DUSP26: variants seen among roughly 807,000 people sequenced by gnomAD.
The protein encoded by DUSP26 is dual specificity phosphatase 26, also known as dual specificity protein phosphatase 26.
A neutral mutation model predicts 20.0 loss-of-function variants in DUSP26; 12 were observed. The ratio of observed to expected loss-of-function variants is 0.60; its 90% confidence interval spans 0.38 to 0.97. The LOEUF (loss-of-function observed/expected upper bound fraction) is 0.97. Ranked by LOEUF, DUSP26 falls within the 50% of genes least tolerant of loss-of-function variation. DUSP26 has a pLI of 0.00. For synonymous variants in DUSP26, 120 were observed against 118.8 expected (o/e 1.01, Z -0.06); for missense variants, 230 against 294.0 (o/e 0.78, Z 1.59).
chr8:33,592,214 TGAGAG>T lies in DUSP26; in HGVS notation c.437-7_437-3del. On this transcript the variant is annotated splice_region_variant and splice_polypyrimidine_tract_variant and intron_variant, in intron 3 of 3. Transcript: ENST00000256261. ...CAGCACAATGCACCAGGATCTTCCC[TGAGAG>T]GAGAGACACAGAGAGAGCTTTGAGA... The T allele has an allele frequency of 6.3e-7, 1 of 1,599,660 alleles. No individual in the cohort carries two copies. Among genetic ancestry groups the T allele is most frequent in the Non-Finnish European group, 8.5e-7 (1 of 1,173,438 alleles).
chr8:33,595,588 C>T (rs1397450330), intron 2 of DUSP26, among the ~76,000 whole-genome samples: 3 of 151,960 alleles, frequency 2.0e-5, no homozygotes, highest in Non-Finnish European at 4.4e-5. Context: ...ACTATCTTGG[C>T]CAGGCTGGTC....
chr8:33,593,894 ACT>A, intron 2 of DUSP26, 147 bp from the exon 3 acceptor site: 1 of 901,520 alleles, frequency 1.1e-6, no homozygotes, highest in East Asian at 2.7e-5. Context: ...CAGAGTGCTC[ACT>A]GCCACCTCCA....
chr8:33,593,390 G>T, intron 3 of DUSP26, 143 bp downstream of exon 3: 2 of 939,538 alleles, frequency 2.1e-6, no homozygotes, highest in Non-Finnish European at 3.1e-6. Flanking sequence ...TTAAAAAAAT[G>T]GTTGAGATAA....
chr8:33,597,739 A>T, intron 1 of DUSP26, 148 bp from the exon 2 acceptor site: 1 of 484,940 alleles, frequency 2.1e-6, no homozygotes, highest in Non-Finnish European at 3.7e-6. Flanking sequence ...TTTTTCTTCA[A>T]GCTGCAGCAG....
At position 33,592,286 on chromosome 8, in the gene DUSP26, TG is replaced by T. The variant is rs1811039964; in HGVS notation, c.437-75del. Reference sequence around the variant, plus strand: ...GGAGGAGGCTGGGGAAAGGGTGACATGGGGCCGGGCATGGTGGCTCACGGCG... The same window carrying T: ...GGAGGAGGCTGGGGAAAGGGTGACATGGGCCGGGCATGGTGGCTCACGGCG... On this transcript the variant is annotated intron_variant, in intron 3 of 3. Transcript: ENST00000256261. 4.2e-6 allele frequency: 6 copies of T among 1,415,864 alleles called. No individual in the cohort carries two copies. In the South Asian group the frequency reaches 6.9e-5, roughly 16 times the overall value. The allele number at this position is 1,415,864 out of a possible 1,614,324, so 87.7% of individuals were successfully genotyped here.
At chr8:33,599,189 C>A (rs906986181) in intron 1 of DUSP26, among the ~76,000 whole-genome samples, 13 of 150,064 alleles carry the variant, frequency 8.7e-5, no homozygotes, top group African/African-American at 3.2e-4. Context: ...CTTCTTCTAC[C>A]TTTGCACCCA....
At chr8:33,596,940 C>A (rs561735840) in intron 2 of DUSP26, among the ~76,000 whole-genome samples, 1 of 152,178 alleles carries the variant, frequency 6.6e-6, no homozygotes, top group African/African-American at 2.4e-5. Flanking sequence ...TCTGTCCAGA[C>A]TTGGGTATTT....
Position 33,591,978 on chromosome 8 carries a change from C to A in DUSP26, c.*35G>T. 1.9e-6 allele frequency: 3 copies of A among 1,608,540 alleles called. No individual in the cohort carries two copies. Among genetic ancestry groups the A allele is most frequent in the Admixed American group, 1.7e-5 (1 of 59,930 alleles). Reference sequence around the variant, plus strand: ...TCTCCAGCTGGGAGCCAGGGACCTACCCACGGGCCTGGCCTGACCTCTCTC... The same window carrying A: ...TCTCCAGCTGGGAGCCAGGGACCTAACCACGGGCCTGGCCTGACCTCTCTC... On this transcript the variant is annotated 3_prime_UTR_variant, in exon 4 of 4. Transcript: ENST00000256261.
At chr8:33,599,538 A>T (rs2128847898) in intron 1 of DUSP26, 127 bp downstream of exon 1, 1 of 152,008 alleles carries the variant, frequency 6.6e-6, no homozygotes, top group South Asian at 2.1e-4. Context: ...CGGGAGAGAG[A>T]GGCTGGCTCG....
chr8:33,594,658 C>A (rs1249713625), intron 2 of DUSP26, among the ~76,000 whole-genome samples: 1 of 151,660 alleles, frequency 6.6e-6, no homozygotes, highest in Non-Finnish European at 1.5e-5. Flanking sequence ...TGTCTTGGAT[C>A]TGTAGGGTTC....
chr8:33,591,938 C>T lies in DUSP26; in HGVS notation c.*75G>A. The T allele has an allele frequency of 6.4e-7, 1 of 1,567,312 alleles. No individual in the cohort carries two copies. The highest frequency in any genetic ancestry group is 2.3e-5 in the East Asian group (1 of 44,316). On this transcript the variant is annotated 3_prime_UTR_variant, in exon 4 of 4. Transcript: ENST00000256261. ...GTGATCTGGGCCTCCTGCTACCTGC[C>T]ACCTGGGCCTCCTATCTCCAGCTGG... is the stretch of plus-strand genomic sequence containing the variant.
rs745687703 is a variant in DUSP26 at position 33,592,538 on chromosome 8, CAAAAAAAAA to C, written c.437-335_437-327del. Among the ~76,000 whole-genome samples, 10 of 23,766 alleles carry C rather than the reference CAAAAAAAAA, an allele frequency of 4.2e-4. No individual in the cohort carries two copies. The South Asian group carries it at 7.3e-3, about 17-fold the overall frequency. 15.6% of individuals were successfully genotyped at this position (23,766 alleles called of 152,430 possible). On this transcript the variant is annotated intron_variant, in intron 3 of 3. Transcript: ENST00000256261. ...AGGCAACAAAAGTGAAACCCCATCT[CAAAAAAAAA>C]AAAAAAAAAAAAAAAAAAGGGTGAC... is the stretch of plus-strand genomic sequence containing the variant.
Position 33,597,537 on chromosome 8 carries a change from G to T in DUSP26, c.-22C>A. ...ACATCTTAGAGGTGGCAGAAACCGT[G>T]GCAGCTGCAGGAGTGGCTGTGGTGA... is the stretch of plus-strand genomic sequence containing the variant. On this transcript the variant is annotated 5_prime_UTR_variant, in exon 2 of 4. Coordinates refer to ENST00000256261, the MANE Select transcript of DUSP26 (RefSeq NM_024025.3). 6.3e-7 allele frequency: 1 copy of T among 1,587,250 alleles called. No individual in the cohort carries two copies. The highest frequency in any genetic ancestry group is 8.6e-7 in the Non-Finnish European group (1 of 1,167,130).
chr8:33,593,170 G>A (rs772676134), intron 3 of DUSP26, among the ~76,000 whole-genome samples: 11 of 152,146 alleles, frequency 7.2e-5, no homozygotes, highest in Middle Eastern at 3.2e-3. Flanking sequence ...TACTTGGGAG[G>A]CTGAGGCAGG....
chr8:33,597,191 AGG>A, intron 2 of DUSP26, 102 bp downstream of exon 2: 1 of 1,161,566 alleles, frequency 8.6e-7, no homozygotes, highest in Admixed American at 2.5e-5. Context: ...ATCTTCAACC[AGG>A]AACCAATGAC....
In DUSP26 at chr8:33,597,535, G is replaced by C; in HGVS notation, c.-20C>G. On this transcript the variant is annotated 5_prime_UTR_variant, in exon 2 of 4. Transcript: ENST00000256261. ...GCACATCTTAGAGGTGGCAGAAACC[G>C]TGGCAGCTGCAGGAGTGGCTGTGGT... 1 of 1,589,778 alleles carries C rather than the reference G, an allele frequency of 6.3e-7. No individual in the cohort carries two copies. The highest frequency in any genetic ancestry group is 8.6e-7 in the Non-Finnish European group (1 of 1,168,066).
chr8:33,596,379 A>G (rs111352196), intron 2 of DUSP26, among the ~76,000 whole-genome samples: 115 of 152,222 alleles, frequency 7.6e-4, no homozygotes, highest in African/African-American at 2.7e-3. Context: ...GGAGCTCAAG[A>G]CCAGCCTGGG....
intron 2 of DUSP26, among the ~76,000 whole-genome samples, chr8:33,594,547 G>T (rs546865769): frequency 6.6e-6 from 1 of 151,210 alleles, no homozygotes; most frequent in Admixed American, 6.6e-5. Context: ...AGCCGAGATC[G>T]CACCACTGCA....
chr8:33,598,757 C>T (rs1433643071), intron 1 of DUSP26, among the ~76,000 whole-genome samples: 2 of 152,130 alleles, frequency 1.3e-5, no homozygotes, highest in South Asian at 2.1e-4. Flanking sequence ...GGCCCCTTCC[C>T]CCTCCCTCCC....
Sources: gnomAD v4.1 joint callset for allele counts (sites outside exome capture counted in the v4.1 genomes callset) on GRCh38, gnomAD v4.1.1 for gene constraint, MANE v1.5 for transcripts, NCBI Gene and HGNC (gene_info 2026-07-23, HGNC 2026-07-21) for gene names.